Variants in TBC1D5 observed in about 807,000 individuals in gnomAD.
TBC1D5 encodes TBC1 domain family, member 5.
In TBC1D5, 75 loss-of-function variants were observed where a neutral mutation model predicts 100.3. The ratio of observed to expected loss-of-function variants is 0.75; its 90% CI spans 0.62 to 0.91. The LOEUF (loss-of-function observed/expected upper bound fraction) is 0.91, where lower values mean the gene tolerates loss of function less well. TBC1D5 is among the 40% of genes least tolerant of loss of function. The pLI, the probability that TBC1D5 is intolerant of heterozygous loss-of-function variation, is 0.00. For missense variants in TBC1D5, 910 were observed against 942.4 expected, an observed-to-expected ratio of 0.97 and a Z score of 0.45; for synonymous variants, 323 against 325.6, an observed-to-expected ratio of 0.99 and a Z score of 0.09.
intron 2 of TBC1D5, among the ~76,000 whole-genome samples, chr3:17,559,692 C>T (rs2096545498): frequency 6.6e-6 from 1 of 151,484 alleles, no homozygotes; most frequent in Non-Finnish European, 1.5e-5. Context: ...TGGGTTCAAG[C>T]GATTCTCCTG....
chr3:17,475,477 A>G (rs2095427578), intron 3 of TBC1D5, among the ~76,000 whole-genome samples: 1 of 152,082 alleles, frequency 6.6e-6, no homozygotes, highest in Non-Finnish European at 1.5e-5. Flanking sequence ...TCACCTCTCT[A>G]GTCAGTTGCC....
chr3:17,728,868 G>A (rs1226107742), intron 1 of TBC1D5, among the ~76,000 whole-genome samples: 2 of 151,340 alleles, frequency 1.3e-5, no homozygotes, highest in Non-Finnish European at 2.9e-5. Context: ...AACAAAAAGA[G>A]TAATATATGA....
At chr3:17,246,244 A>T (rs1240004319) in intron 16 of TBC1D5, among the ~76,000 whole-genome samples, 1 of 152,178 alleles carries the variant, frequency 6.6e-6, no homozygotes, top group Non-Finnish European at 1.5e-5. Flanking sequence ...TTTCTTAATT[A>T]AAAAAACTAT....
rs533064489 is a variant in TBC1D5 at position 17,366,697 on chromosome 3, C to T, written c.995+5378G>A. On this transcript the variant is annotated intron_variant, in intron 13 of 21. Coordinates refer to ENST00000253692, the Ensembl canonical transcript of TBC1D5. The stretch of plus-strand genomic sequence containing the variant: ...ATAATCTTTTAGGTGGATAATTACA[C>T]TGACTTCTGATGACTGAGAGTTACT... Among the ~76,000 whole-genome samples the T allele has an allele frequency of 5.9e-5, 9 of 152,128 alleles. No homozygotes were observed. In the South Asian group the frequency reaches 1.9e-3, roughly 32 times the overall value.
chr3:17,187,713 C>T (rs975620610), intron 18 of TBC1D5, among the ~76,000 whole-genome samples: 10 of 152,304 alleles, frequency 6.6e-5, no homozygotes, highest in Admixed American at 2.6e-4. Context: ...CCCCAATGAG[C>T]GGAGTCTAGA....
chr3:17,569,353 G>A (rs980242902), intron 2 of TBC1D5, among the ~76,000 whole-genome samples: 1 of 151,680 alleles, frequency 6.6e-6, no homozygotes, highest in Non-Finnish European at 1.5e-5. Context: ...TTTAAAATCT[G>A]TATGCTATAA....
At chr3:17,515,680 GA>G (rs1560064122) in intron 2 of TBC1D5, among the ~76,000 whole-genome samples, 1 of 152,112 alleles carries the variant, frequency 6.6e-6, no homozygotes, top group African/African-American at 2.4e-5. Context: ...TAATACCAAA[GA>G]ATTCAGTTTA....
intron 1 of TBC1D5, among the ~76,000 whole-genome samples, chr3:17,645,422 T>TG (rs1395365980): frequency 5.9e-5 from 9 of 152,266 alleles, no homozygotes; most frequent in African/African-American, 2.2e-4. Context: ...GCCCAGAGGC[T>TG]GACTCGCAGC....
intron 1 of TBC1D5, among the ~76,000 whole-genome samples, chr3:17,734,507 C>T (rs1403085112): frequency 5.3e-5 from 8 of 151,824 alleles, no homozygotes; most frequent in Non-Finnish European, 8.8e-5. Context: ...AATGAAAGTA[C>T]GAAAACAGTT....
At chr3:17,483,037 A>C (rs1467322788) in intron 3 of TBC1D5, among the ~76,000 whole-genome samples, 1 of 152,156 alleles carries the variant, frequency 6.6e-6, no homozygotes, top group Non-Finnish European at 1.5e-5. Context: ...ATATACACCT[A>C]ATCTATGTGA....
intron 16 of TBC1D5, 41 bp from the exon 17 acceptor site, chr3:17,238,460 G>A: frequency 6.4e-7 from 1 of 1,574,652 alleles, no homozygotes; most frequent in Non-Finnish European, 8.6e-7. Flanking sequence ...TTACATTAGA[G>A]GATGATTCTA....
At chr3:17,482,065 G>T (rs2095508663) in intron 3 of TBC1D5, among the ~76,000 whole-genome samples, 1 of 152,086 alleles carries the variant, frequency 6.6e-6, no homozygotes, top group Non-Finnish European at 1.5e-5. Flanking sequence ...AATAAATTAA[G>T]ATACAAAGAA....
intron 13 of TBC1D5, among the ~76,000 whole-genome samples, chr3:17,362,231 A>C (rs1425316460): frequency 1.3e-5 from 2 of 152,244 alleles, no homozygotes; most frequent in Non-Finnish European, 2.9e-5. Context: ...CAGAGTTCTT[A>C]TATGTGACAC....
intron 1 of TBC1D5, among the ~76,000 whole-genome samples, chr3:17,630,483 T>C (rs1273839869): frequency 6.6e-6 from 1 of 152,178 alleles, no homozygotes; most frequent in East Asian, 1.9e-4. Flanking sequence ...TATAATTATG[T>C]TGGGGCACCA....
At chr3:17,601,861 G>C (rs1269845100) in intron 2 of TBC1D5, among the ~76,000 whole-genome samples, 2 of 151,782 alleles carry the variant, frequency 1.3e-5, no homozygotes, top group South Asian at 2.1e-4. Context: ...ACCGAGTCTC[G>C]CTCTGTTGCC....
intron 3 of TBC1D5, among the ~76,000 whole-genome samples, chr3:17,455,259 T>C (rs1267277693): frequency 2.0e-5 from 3 of 147,022 alleles, no homozygotes; most frequent in Non-Finnish European, 3.0e-5. Context: ...TATATATGTA[T>C]ACATATATAC....
chr3:17,398,165 C>T (rs541607537), intron 8 of TBC1D5, among the ~76,000 whole-genome samples: 1 of 152,162 alleles, frequency 6.6e-6, no homozygotes, highest in African/African-American at 2.4e-5. Context: ...ATAGACAATT[C>T]AAGTTCTAAA....
At chr3:17,732,964 A>T (rs1238917297) in intron 1 of TBC1D5, among the ~76,000 whole-genome samples, 3 of 152,142 alleles carry the variant, frequency 2.0e-5, no homozygotes, top group Non-Finnish European at 4.4e-5. Context: ...AGGGAAACTG[A>T]TCAGGACCAC....
chr3:17,272,594 A>G (rs565885023), intron 15 of TBC1D5, among the ~76,000 whole-genome samples: 2 of 152,224 alleles, frequency 1.3e-5, no homozygotes, highest in Non-Finnish European at 2.9e-5. Flanking sequence ...ACCATTTTAT[A>G]GGTAAAGAAA....
Sources: gnomAD v4.1 joint callset for allele counts (sites outside exome capture counted in the v4.1 genomes callset) on GRCh38, gnomAD v4.1.1 for gene constraint, MANE v1.5 for transcripts, NCBI Gene and HGNC (gene_info 2026-07-23, HGNC 2026-07-21) for gene names.